Variants in GSDME observed in about 807,000 individuals in gnomAD.
GSDME encodes gasdermin E.
In GSDME, 44 loss-of-function variants were observed where a neutral mutation model predicts 47.5. That is an observed-to-expected ratio of 0.93 (90% CI 0.73 to 1.19). The LOEUF (loss-of-function observed/expected upper bound fraction) is 1.19, where lower values mean the gene tolerates loss of function less well. Ranked by LOEUF, GSDME falls within the 50% of genes most tolerant of loss-of-function variation. GSDME has a pLI of 0.00. For synonymous variants in GSDME, 258 were observed against 252.8 expected (o/e 1.02, Z -0.20); for missense variants, 663 against 604.2 (o/e 1.10, Z -1.02).
the GSDME span, among the ~76,000 whole-genome samples, chr7:24,774,309 C>T: frequency 1.8e-5 from 2 of 113,680 alleles, no homozygotes; most frequent in Non-Finnish European, 3.6e-5. Flanking sequence ...CCCTTCCTCC[C>T]TCCCTTCCTT....
intron 5 of GSDME, among the ~76,000 whole-genome samples, chr7:24,715,726 G>A (rs1370659160): frequency 6.6e-6 from 1 of 152,118 alleles, no homozygotes; most frequent in South Asian, 2.1e-4. Context: ...ACGCCCCAGA[G>A]GACACAAATT....
chr7:24,723,622 G>C (rs1030988356), intron 3 of GSDME, among the ~76,000 whole-genome samples: 16 of 152,100 alleles, frequency 1.1e-4, no homozygotes, highest in Non-Finnish European at 2.2e-4. Flanking sequence ...TAAAAAAAAA[G>C]AGCCTAGAGA....
intron 3 of GSDME, among the ~76,000 whole-genome samples, chr7:24,731,449 C>T (rs1024993381): frequency 1.3e-5 from 2 of 152,230 alleles, no homozygotes; most frequent in African/African-American, 2.4e-5. Flanking sequence ...GTGCCTACCT[C>T]CTCCACGGGA....
the GSDME span, among the ~76,000 whole-genome samples, chr7:24,778,879 A>G: frequency 6.6e-6 from 1 of 152,152 alleles, no homozygotes; most frequent in Non-Finnish European, 1.5e-5. The surrounding 1 kb of genome is among the most constrained non-coding windows in gnomAD (Gnocchi z 5.6). Context: ...GTTGGTTTGG[A>G]TTAAGGAGAA....
At chr7:24,734,584 T>G (rs1346704721) in intron 3 of GSDME, among the ~76,000 whole-genome samples, 1 of 152,188 alleles carries the variant, frequency 6.6e-6, no homozygotes, top group Non-Finnish European at 1.5e-5. Flanking sequence ...TCAGATACAT[T>G]TAACAGAGAT....
intron 3 of GSDME, among the ~76,000 whole-genome samples, chr7:24,727,162 A>G (rs568748482): frequency 6.6e-6 from 1 of 152,160 alleles, no homozygotes; most frequent in Non-Finnish European, 1.5e-5. Context: ...GATCACCTAG[A>G]TCTAACCCAG....
intron 3 of GSDME, among the ~76,000 whole-genome samples, chr7:24,734,937 A>C (rs934255685): frequency 6.6e-6 from 1 of 152,230 alleles, no homozygotes; most frequent in Non-Finnish European, 1.5e-5. Flanking sequence ...TCAATACCTA[A>C]GTACCAGAAG....
At chr7:24,708,302 C>T in intron 6 of GSDME, 48 bp from the exon 7 acceptor site, 1 of 1,611,448 alleles carries the variant, frequency 6.2e-7, no homozygotes, top group Non-Finnish European at 8.5e-7. Flanking sequence ...ATGCACATCT[C>T]ACGACGTCGG....
chr7:24,752,942 C>T (rs1194068358), intron 1 of GSDME, among the ~76,000 whole-genome samples: 2 of 151,698 alleles, frequency 1.3e-5, no homozygotes, highest in Non-Finnish European at 2.9e-5. Flanking sequence ...AATCCTCCCC[C>T]ACAGGGATTA....
the GSDME span, among the ~76,000 whole-genome samples, chr7:24,793,150 A>G: frequency 6.6e-6 from 1 of 152,222 alleles, no homozygotes; most frequent in Non-Finnish European, 1.5e-5. Flanking sequence ...TTAGTGTGTT[A>G]TTAATGTTAC....
intron 8 of GSDME, 145 bp downstream of exon 8, chr7:24,706,039 T>C: frequency 9.5e-7 from 1 of 1,052,638 alleles, no homozygotes; most frequent in Non-Finnish European, 1.4e-6. Context: ...GCCTCCCACC[T>C]CTTACCCTCC....
At chr7:24,723,442 C>T (rs1023611569) in intron 3 of GSDME, among the ~76,000 whole-genome samples, 2 of 152,220 alleles carry the variant, frequency 1.3e-5, no homozygotes. Flanking sequence ...CAGGGCTCCC[C>T]TGTGCCCGCC....
intron 2 of GSDME, among the ~76,000 whole-genome samples, chr7:24,748,705 C>T (rs1322558590): frequency 6.6e-6 from 1 of 152,134 alleles, no homozygotes; most frequent in Non-Finnish European, 1.5e-5. Flanking sequence ...TCTGGACAAG[C>T]TGATAAGAGA....
At chr7:24,773,609 A>G in the GSDME span, among the ~76,000 whole-genome samples, 1 of 152,208 alleles carries the variant, frequency 6.6e-6, no homozygotes, top group Non-Finnish European at 1.5e-5. The surrounding 1 kb of genome is among the most constrained non-coding windows in gnomAD (Gnocchi z 5.4). Context: ...AGTCACAGTC[A>G]TGTTGTAACT....
At chr7:24,751,543 T>C (rs1201543501) in intron 1 of GSDME, among the ~76,000 whole-genome samples, 3 of 152,182 alleles carry the variant, frequency 2.0e-5, no homozygotes, top group Non-Finnish European at 4.4e-5. Flanking sequence ...CTTAGATTAT[T>C]ATGAAGCAGT....
chr7:24,758,452 G>T (rs993688353), upstream of GSDME, among the ~76,000 whole-genome samples: 14 of 152,188 alleles, frequency 9.2e-5, no homozygotes, highest in Admixed American at 2.6e-4. This position sits in a 1 kb window ranked among gnomAD's most constrained non-coding sequence, Gnocchi z 4.6. Context: ...CAGGTTACGA[G>T]CCCATTGCTC....
rs890783875 is a variant in GSDME, at chr7:24,714,146, G to A, written c.697+3108C>T. Among the ~76,000 whole-genome samples the A allele has an allele frequency of 2.6e-5, 4 of 152,186 alleles. No homozygotes were observed. The highest frequency in any genetic ancestry group is 4.4e-5 in the Non-Finnish European group (3 of 68,028). ...CAGAAGGTCAAGAGAATGAAAGGGTGTTTCTGATTGGGCATAAGTGTCTCC... is the reference window on the plus strand; with the variant it reads ...CAGAAGGTCAAGAGAATGAAAGGGTATTTCTGATTGGGCATAAGTGTCTCC... On this transcript the variant is annotated intron_variant, in intron 5 of 9. Transcript: ENST00000645220. This position sits in a 1 kb window ranked among gnomAD's most constrained non-coding sequence, Gnocchi z 5.0.
intron 6 of GSDME, among the ~76,000 whole-genome samples, chr7:24,708,513 ACT>A (rs1789216609): frequency 1.3e-5 from 2 of 152,182 alleles, no homozygotes; most frequent in Non-Finnish European, 2.9e-5. Flanking sequence ...TTCTCTGATG[ACT>A]CACTAAACAT....
At chr7:24,699,313 A>T in intron 9 of GSDME, 54 bp from the exon 10 acceptor site, 2 of 1,328,898 alleles carry the variant, frequency 1.5e-6, no homozygotes, top group Admixed American at 3.5e-5. Context: ...AAAAATCCAC[A>T]TTGGATAGTA....
Sources: allele counts gnomAD v4.1 joint callset (sites outside exome capture counted in the v4.1 genomes callset), GRCh38; gene constraint gnomAD v4.1.1; non-coding constraint Gnocchi (gnomAD v3.1); transcripts MANE v1.5; gene names NCBI Gene and HGNC (gene_info 2026-07-23, HGNC 2026-07-21).